Variants in USP33 observed in about 807,000 individuals in gnomAD.
The protein encoded by USP33 is ubiquitin specific peptidase 33, also known as ubiquitin carboxyl-terminal hydrolase 33.
USP33 carries 46 observed loss-of-function variants against 124.2 expected under a neutral mutation model. The ratio of observed to expected loss-of-function variants is 0.37; its 90% CI spans 0.29 to 0.47. The LOEUF (loss-of-function observed/expected upper bound fraction) is 0.47. Ranked by LOEUF, USP33 falls within the 20% of genes least tolerant of loss-of-function variation. The pLI is 0.99. For synonymous variants in USP33, 350 were observed against 352.3 expected, an observed-to-expected ratio of 0.99 and a Z score of 0.07; for missense variants, 851 against 1,070.6, an observed-to-expected ratio of 0.79 and a Z score of 2.86.
At chr1:77,721,760 TTTA>T in intron 14 of USP33, 68 bp downstream of exon 14, 10 of 1,386,418 alleles carry the variant, frequency 7.2e-6, no homozygotes, top group Non-Finnish European at 9.8e-6. Context: ...ATGAATACAC[TTTA>T]TTATTTAGTC....
intron 1 of USP33, among the ~76,000 whole-genome samples, chr1:77,750,773 A>G (rs561405457): frequency 6.6e-5 from 10 of 152,252 alleles, no homozygotes; most frequent in Non-Finnish European, 1.0e-4. Context: ...TGCTATCAAA[A>G]TAGAAAACCC....
In USP33 at chr1:77,701,504, T is replaced by TC. The variant is rs1674014857; in HGVS notation, c.2407-34dup. ...GGGGAAAAAAAACAGTCATCTAATA[T>TC]CTAAAACTTGCTTTATGGCAAAACA... On this transcript the variant is annotated intron_variant, in intron 21 of 23. Coordinates refer to ENST00000370794, the MANE Select transcript of USP33 (RefSeq NM_201624.3). 5 of 1,548,740 alleles carry TC rather than the reference T, an allele frequency of 3.2e-6. No homozygotes were observed. In the East Asian group the frequency reaches 1.1e-4, roughly 35 times the overall value.
chr1:77,751,560 G>A (rs1007808034), intron 1 of USP33, among the ~76,000 whole-genome samples: 1 of 152,188 alleles, frequency 6.6e-6, no homozygotes, highest in African/African-American at 2.4e-5. Context: ...AGGAGGCTGA[G>A]GTGGGAGGAT....
intron 21 of USP33, among the ~76,000 whole-genome samples, chr1:77,703,775 G>A (rs975328313): frequency 1.3e-5 from 2 of 152,036 alleles, no homozygotes; most frequent in Admixed American, 1.3e-4. Context: ...ATAAGCTCTG[G>A]CATGGCACAG....
intron 4 of USP33, 79 bp from the exon 5 acceptor site, chr1:77,739,496 A>G (rs1184489070): frequency 2.2e-6 from 3 of 1,378,214 alleles, no homozygotes; most frequent in East Asian, 5.0e-5. Context: ...AGATAACAGA[A>G]GATAAACTGC....
At chr1:77,745,145 T>C (rs1036936512) in intron 1 of USP33, among the ~76,000 whole-genome samples, 1 of 152,254 alleles carries the variant, frequency 6.6e-6, no homozygotes, top group Non-Finnish European at 1.5e-5. Flanking sequence ...AGTTAGCTCT[T>C]CTTGTTGAAT....
At chr1:77,727,210 C>A (rs577909971) in intron 10 of USP33, among the ~76,000 whole-genome samples, 1 of 152,260 alleles carries the variant, frequency 6.6e-6, no homozygotes, top group South Asian at 2.1e-4. Context: ...GGTTTGTGTG[C>A]CTTACAGACT....
Position 77,722,185 on chromosome 1 carries a change from G to A in USP33, c.1401C>T (p.Thr467=). 6.2e-7 allele frequency: 1 copy of A among 1,607,888 alleles called. No individual in the cohort carries two copies. The highest frequency in any genetic ancestry group is 2.2e-5 in the East Asian group (1 of 44,824). Reference sequence around the variant, plus strand: ...AGGACAGATCTTGAAAGGTCTCGAGGGTTACAGACACCTAAAATTGTTTTG... The same window carrying A: ...AGGACAGATCTTGAAAGGTCTCGAGAGTTACAGACACCTAAAATTGTTTTG... ...QCLTCDRVSV[T]LETFQDLSLP... The change falls in exon 13 of 24, where the codon ACC becomes ACT. Residue 467 remains threonine, a synonymous_variant. Coordinates refer to ENST00000370794, the MANE Select transcript of USP33 (RefSeq NM_201624.3).
At chr1:77,729,818 T>C in intron 9 of USP33, 42 bp downstream of exon 9, 1 of 1,594,446 alleles carries the variant, frequency 6.3e-7, no homozygotes, top group Non-Finnish European at 8.6e-7. Context: ...ATTTTCCAAA[T>C]TTATTTAGAT....
At chr1:77,701,327 C>A in intron 22 of USP33, 42 bp downstream of exon 22, 2 of 1,418,064 alleles carry the variant, frequency 1.4e-6, no homozygotes, top group Non-Finnish European at 9.8e-7. Context: ...AACAAAAAAA[C>A]AAATAATTTA....
intron 21 of USP33, among the ~76,000 whole-genome samples, chr1:77,701,933 G>A (rs910705858): frequency 6.6e-6 from 1 of 151,854 alleles, no homozygotes; most frequent in Non-Finnish European, 1.5e-5. Context: ...CTCCCAAAGT[G>A]CTGGGATTAC....
intron 15 of USP33, among the ~76,000 whole-genome samples, chr1:77,718,898 C>T (rs1424277542): frequency 1.4e-5 from 2 of 140,800 alleles, no homozygotes; most frequent in Non-Finnish European, 1.5e-5. Flanking sequence ...CATTGTACTC[C>T]AGCCTGGGCT....
chr1:77,709,008 C>T (rs1229891108), intron 21 of USP33, among the ~76,000 whole-genome samples: 1 of 152,098 alleles, frequency 6.6e-6, no homozygotes, highest in Non-Finnish European at 1.5e-5. Context: ...TCTAATGATG[C>T]TCATTTTATC....
chr1:77,729,596 G>A (rs564497791), intron 9 of USP33, among the ~76,000 whole-genome samples: 10 of 152,090 alleles, frequency 6.6e-5, no homozygotes, highest in African/African-American at 2.2e-4. Context: ...GCTTGAATTC[G>A]GGAGGTGGAG....
chr1:77,749,676 C>T (rs1489646318), intron 1 of USP33, among the ~76,000 whole-genome samples: 2 of 152,052 alleles, frequency 1.3e-5, no homozygotes, highest in Non-Finnish European at 2.9e-5. Flanking sequence ...ATCACTGCAC[C>T]CAGCCTGGTT....
chr1:77,703,930 G>T (rs373207870), intron 21 of USP33, among the ~76,000 whole-genome samples: 3 of 152,006 alleles, frequency 2.0e-5, no homozygotes, highest in Admixed American at 6.6e-5. Context: ...TGATGTGGGG[G>T]ATCTCTTGAG....
intron 8 of USP33, 26 bp downstream of exon 8, chr1:77,730,588 TAAAG>T: frequency 7.1e-7 from 1 of 1,410,272 alleles, no homozygotes; most frequent in Non-Finnish European, 9.5e-7. Context: ...AAAAGTTTAA[TAAAG>T]AAGAAGAGTA....
chr1:77,757,978 C>T (rs1429062197), intron 1 of USP33, among the ~76,000 whole-genome samples: 1 of 152,054 alleles, frequency 6.6e-6, no homozygotes, highest in Non-Finnish European at 1.5e-5. Context: ...CACCTATTTA[C>T]TACAATCTAA....
chr1:77,729,719 C>A (rs2101466442), intron 9 of USP33, 141 bp downstream of exon 9: 2 of 722,298 alleles, frequency 2.8e-6, no homozygotes, highest in Non-Finnish European at 2.3e-6. Context: ...AAACAATAAA[C>A]ATGAAAAAGG....
Sources: gnomAD v4.1 joint callset for allele counts (sites outside exome capture counted in the v4.1 genomes callset) on GRCh38, gnomAD v4.1.1 for gene constraint, MANE v1.5 for transcripts, NCBI Gene and HGNC (gene_info 2026-07-23, HGNC 2026-07-21) for gene names.